The following NOS2 variants were observed in gnomAD, a reference collection of about 807,000 sequenced individuals.
NOS2 encodes nitric oxide synthase 2, also known as nitric oxide synthase, inducible.
A neutral mutation model predicts 136.0 loss-of-function variants in NOS2; 96 were observed. The ratio of observed to expected loss-of-function variants is 0.71; its 90% confidence interval spans 0.60 to 0.84. The LOEUF (loss-of-function observed/expected upper bound fraction) is 0.84. NOS2 is among the 40% of genes least tolerant of loss of function. NOS2 has a pLI of 0.00. For missense variants in NOS2, 1,237 were observed against 1,496.9 expected, an observed-to-expected ratio of 0.83 and a Z score of 2.87; for synonymous variants, 539 against 587.5, an observed-to-expected ratio of 0.92 and a Z score of 1.20.
At position 27,766,505 on chromosome 17, in the gene NOS2, C is replaced by A. The variant is rs1908306339; in HGVS notation, c.2246+5G>T. 1.2e-6 allele frequency: 2 copies of A among 1,612,870 alleles called. No homozygotes were observed. Among genetic ancestry groups the A allele is most frequent in the Non-Finnish European group, 1.7e-6 (2 of 1,178,794 alleles). On this transcript the variant is annotated splice_donor_5th_base_variant and intron_variant, in intron 19 of 26. Coordinates refer to ENST00000313735, the MANE Select transcript of NOS2 (RefSeq NM_000625.4). ...TCACCCACGAAGCCCTGCACTTTCC[C>A]TTACCTGGATGTCGGACTTTGTAGA...
chr17:27,780,735 G>A (rs1908815220), intron 9 of NOS2, 32 bp downstream of exon 9: 4 of 1,614,030 alleles, frequency 2.5e-6, no homozygotes, highest in East Asian at 2.2e-5. Flanking sequence ...GTGTTGACTC[G>A]CCCTTGCCCC....
At chr17:27,762,362 G>A (rs368477529) in intron 22 of NOS2, among the ~76,000 whole-genome samples, 27 of 152,280 alleles carry the variant, frequency 1.8e-4, no homozygotes, top group African/African-American at 5.8e-4. Context: ...TCTCCCCTGC[G>A]TTCAGGCTGC....
At position 27,788,745 on chromosome 17, in the gene NOS2, A is replaced by G; in HGVS notation, c.318+64T>C. On this transcript the variant is annotated intron_variant, in intron 4 of 26. Transcript: ENST00000313735. ...GCCCAGGGGGACACCTGTTTGATCC[A>G]CAAAGCCCTGGCAGCTTCACCAGCT... 8 of 1,567,506 alleles carry G rather than the reference A, an allele frequency of 5.1e-6. No individual in the cohort carries two copies. The South Asian group carries it at 9.3e-5, about 18-fold the overall frequency.
rs961089205 is a variant in NOS2 at position 27,763,507 on chromosome 17, A to G, written c.2592+474T>C. Among the ~76,000 whole-genome samples, 10 of 152,334 alleles carry G rather than the reference A, an allele frequency of 6.6e-5. No individual in the cohort carries two copies. In the South Asian group the frequency reaches 1.7e-3, roughly 25 times the overall value. ...GATAATTAGCTATAATGATGATGAT[A>G]ATAATGACAACCAGTGCCTTTTGCA... is the stretch of plus-strand genomic sequence containing the variant. On this transcript the variant is annotated intron_variant, in intron 21 of 26. Transcript: ENST00000313735.
intron 3 of NOS2, 94 bp from the exon 4 acceptor site, chr17:27,789,025 C>T: frequency 6.7e-7 from 1 of 1,501,352 alleles, no homozygotes; most frequent in Admixed American, 1.9e-5. Context: ...TGGGTGGCCA[C>T]ACAGGGCAGG....
Position 27,762,921 on chromosome 17 carries a change from C to T in NOS2, c.2677G>A (p.Ala893Thr). Residue 893 changes from alanine to threonine, a missense_variant, in exon 22 of 27, where the codon GCT (alanine) becomes ACT (threonine). Physicochemically the swap from Ala to Thr is moderately conservative, Grantham distance 58 (BLOSUM62 0). Transcript: ENST00000313735. Reference protein sequence around the residue: ...LEEFPSLRVSAGFLLSQLPIL... With the variant: ...LEEFPSLRVSTGFLLSQLPIL... ...GGGAGCTGGGAAAGCAGGAAGCCAG[C>T]AGACACCCGCAGGGACGGGAACTCC... 1 of 1,601,530 alleles carries T rather than the reference C, an allele frequency of 6.2e-7. No individual in the cohort carries two copies. Among genetic ancestry groups the T allele is most frequent in the Non-Finnish European group, 8.5e-7 (1 of 1,175,758 alleles).
Position 27,774,302 on chromosome 17 carries a change from G to C in NOS2, c.1431C>G (p.His477Gln). ...PMSGSITPVF[H>Q]QEMLNYVLSP... ...ACAGGACGTAGTTCAGCATCTCCTG[G>C]TGAAACACGGGGGTGATGCTCCCAG... The change falls in exon 12 of 27, where the codon CAC becomes CAG. Residue 477 changes from histidine to glutamine, a missense_variant. By Grantham distance (24) the His-to-Gln change is conservative. Coordinates refer to ENST00000313735, the MANE Select transcript of NOS2 (RefSeq NM_000625.4). The C allele has an allele frequency of 6.4e-7, 1 of 1,562,052 alleles. No homozygotes were observed. The highest frequency in any genetic ancestry group is 8.7e-7 in the Non-Finnish European group (1 of 1,155,996).
chr17:27,778,698 T>C lies in NOS2; in HGVS notation c.1273A>G (p.Ser425Gly), dbSNP rs979042320. Residue 425 changes from serine (S) to glycine (G), a missense_variant, in exon 11 of 27, where the codon AGT becomes GGT. This residue lies in a region of NOS2 where 15 missense variants were observed against 41.6 expected (regional missense o/e 0.36). Transcript: ENST00000313735. ...VVEINIAVLHSFQKQNVTIMD... is the reference protein window; with the variant it reads ...VVEINIAVLHGFQKQNVTIMD... Reference sequence around the variant, plus strand: ...CAAAACTCCAGACATACCTGGAAACTATGGAGCACAGCAATGTTGATCTCA... The same window carrying C: ...CAAAACTCCAGACATACCTGGAAACCATGGAGCACAGCAATGTTGATCTCA... 4 of 1,613,762 alleles carry C rather than the reference T, an allele frequency of 2.5e-6. No homozygotes were observed. The highest frequency in any genetic ancestry group is 3.4e-6 in the Non-Finnish European group (4 of 1,179,768).
At position 27,760,647 on chromosome 17, in the gene NOS2, G is replaced by C. The variant is rs756194536; in HGVS notation, c.2986C>G (p.Arg996Gly). The change falls in exon 24 of 27, where the codon CGG becomes GGG. Residue 996 changes from arginine (R) to glycine (G), a missense_variant. Around this residue, in one of 3 missense-constraint regions of NOS2, gnomAD observed 782 missense variants for 909.9 expected, o/e 0.86. Coordinates refer to ENST00000313735, the MANE Select transcript of NOS2 (RefSeq NM_000625.4). ...IAPFRSFWQQ[R>G]LHDSQHKGVR... Reference sequence around the variant, plus strand: ...CCCTTGTGCTGGGAGTCATGGAGCCGTTGCTGCCAGAAACTGCGGAAGGGC... The same window carrying C: ...CCCTTGTGCTGGGAGTCATGGAGCCCTTGCTGCCAGAAACTGCGGAAGGGC... 1 of 1,553,718 alleles carries C rather than the reference G, an allele frequency of 6.4e-7. No individual in the cohort carries two copies. The highest frequency in any genetic ancestry group is 8.7e-7 in the Non-Finnish European group (1 of 1,148,176).
In NOS2 at chr17:27,782,927, A is replaced by C. The variant is rs1908897832; in HGVS notation, c.630+17T>G. On this transcript the variant is annotated intron_variant, in intron 6 of 26. Transcript: ENST00000313735. Reference sequence around the variant, plus strand: ...GCCGCCTCCAGCTCTCTCCCGCTCAAGTCTAAGGAAGTTCACCTGCAGGTT... The same window carrying C: ...GCCGCCTCCAGCTCTCTCCCGCTCACGTCTAAGGAAGTTCACCTGCAGGTT... The C allele has an allele frequency of 6.2e-7, 1 of 1,613,308 alleles. No individual in the cohort carries two copies. Among genetic ancestry groups the C allele is most frequent in the Non-Finnish European group, 8.5e-7 (1 of 1,179,758 alleles).
intron 3 of NOS2, 119 bp from the exon 4 acceptor site, chr17:27,789,050 C>T (rs1445050355): frequency 1.5e-6 from 2 of 1,354,550 alleles, no homozygotes; most frequent in Non-Finnish European, 2.0e-6. Context: ...CCCTCCACGT[C>T]CCTCCTCTGT....
At position 27,761,321 on chromosome 17, in the gene NOS2, G is replaced by A; in HGVS notation, c.2801-90C>T. On this transcript the variant is annotated intron_variant, in intron 22 of 26. Coordinates refer to ENST00000313735, the MANE Select transcript of NOS2 (RefSeq NM_000625.4). ...TCCGCCCACACCACGGCCCTCCTTG[G>A]ACGCCCCCACTCAGGCACTCTCAGG... is the stretch of plus-strand genomic sequence containing the variant. 3 of 949,864 alleles carry A rather than the reference G, an allele frequency of 3.2e-6. No individual in the cohort carries two copies. The South Asian group carries it at 4.7e-5, about 15-fold the overall frequency. 58.8% of individuals were successfully genotyped at this position (949,864 alleles called of 1,614,324 possible). A position where few individuals can be genotyped will look rare whatever the true frequency, so the allele number is the denominator to read the frequency against.
chr17:27,760,110 C>T lies in NOS2; in HGVS notation c.3079G>A (p.Glu1027Lys). The change falls in exon 25 of 27, where the codon GAG (glutamate) becomes AAG (lysine). Residue 1027 changes from glutamate to lysine, a missense_variant. Transcript: ENST00000313735. The part of the protein sequence containing the change: ...RRPDEDHIYQ[E>K]EMLEMAQKGV... The stretch of plus-strand genomic sequence containing the variant: ...TTCTGGGCCATCTCCAGCATCTCCT[C>T]CTGGTAGATGTGGTCCTCATCTGGG... 1.2e-6 allele frequency: 2 copies of T among 1,607,586 alleles called. No homozygotes were observed. Among genetic ancestry groups the T allele is most frequent in the Non-Finnish European group, 1.7e-6 (2 of 1,177,190 alleles).
At chr17:27,772,159 A>G (rs137915542) in intron 14 of NOS2, 149 bp downstream of exon 14, 1 of 873,104 alleles carries the variant, frequency 1.1e-6, no homozygotes, top group Non-Finnish European at 1.7e-6. Flanking sequence ...ATCCCTGCAC[A>G]CAAGTCTTTC....
At chr17:27,786,666 T>C (rs1353556175) in intron 5 of NOS2, among the ~76,000 whole-genome samples, 1 of 152,152 alleles carries the variant, frequency 6.6e-6, no homozygotes, top group Non-Finnish European at 1.5e-5. Context: ...TTTAACTCCT[T>C]TCATCTTTAT....
intron 1 of NOS2, 104 bp downstream of exon 1, chr17:27,800,235 C>G (rs963237843): frequency 6.6e-5 from 10 of 152,342 alleles, no homozygotes; most frequent in African/African-American, 2.4e-4. Context: ...CCAACACCTT[C>G]TCTCTGTAGG....
In NOS2 at chr17:27,757,153, C is replaced by T; in HGVS notation, c.*93G>A. ...CTTGAGGCTGGGGGATATCACTTTC[C>T]TCCATCTCCCCAGGCCCTGTGACCT... is the stretch of plus-strand genomic sequence containing the variant. On this transcript the variant is annotated 3_prime_UTR_variant, in exon 27 of 27. Transcript: ENST00000313735. The T allele has an allele frequency of 2.1e-6, 2 of 952,340 alleles. No homozygotes were observed. Among genetic ancestry groups the T allele is most frequent in the Non-Finnish European group, 1.6e-6 (1 of 631,172 alleles). 59.0% of individuals were successfully genotyped at this position (952,340 alleles called of 1,614,324 possible). A position where few individuals can be genotyped will look rare whatever the true frequency, so the allele number is the denominator to read the frequency against.
chr17:27,765,506 C>G, intron 20 of NOS2, 29 bp downstream of exon 20: 1 of 1,556,262 alleles, frequency 6.4e-7, no homozygotes, highest in Non-Finnish European at 8.7e-7. Flanking sequence ...GGGTGCCAGG[C>G]AGCACTGGCT....
At chr17:27,794,743 CACA>C (rs1259822914) in intron 2 of NOS2, among the ~76,000 whole-genome samples, 5 of 151,896 alleles carry the variant, frequency 3.3e-5, no homozygotes, top group African/African-American at 1.2e-4. Flanking sequence ...CACACACACA[CACA>C]CCATGCTCAT....
Sources: allele counts gnomAD v4.1 joint callset (sites outside exome capture counted in the v4.1 genomes callset), GRCh38; gene constraint gnomAD v4.1.1; regional missense constraint gnomAD v4.1.1; transcripts MANE v1.5; gene names NCBI Gene and HGNC (gene_info 2026-07-23, HGNC 2026-07-21).